Variants in TFEC observed in about 807,000 individuals in gnomAD.
The protein encoded by TFEC is transcription factor EC, also known as class E basic helix-loop-helix protein 34.
Under a neutral mutation model 41.6 loss-of-function variants are expected in TFEC, and 31 were observed. The observed-to-expected ratio is 0.74, with a 90% CI of 0.56 to 1.01. TFEC has a LOEUF of 1.01. Among genes scored for constraint, TFEC ranks in the 50% least tolerant of loss-of-function variants. TFEC has a pLI of 0.00. For missense variants in TFEC, 402 were observed against 404.1 expected (o/e 0.99, Z 0.04); for synonymous variants, 143 against 140.6 (o/e 1.02, Z -0.12).
At chr7:116,002,352 G>T (rs943176534) in intron 1 of TFEC, among the ~76,000 whole-genome samples, 7 of 152,168 alleles carry the variant, frequency 4.6e-5, no homozygotes, top group Non-Finnish European at 7.4e-5. Flanking sequence ...CCATAAAAAT[G>T]AATGACATCC....
intron 1 of TFEC, among the ~76,000 whole-genome samples, chr7:116,113,347 GA>G (rs980309159): frequency 6.6e-6 from 1 of 151,948 alleles, no homozygotes; most frequent in African/African-American, 2.4e-5. Flanking sequence ...CATGGACAGA[GA>G]AAGAAAAGAA....
chr7:116,022,218 G>A (rs1795423406), intron 1 of TFEC, among the ~76,000 whole-genome samples: 1 of 152,176 alleles, frequency 6.6e-6, no homozygotes, highest in Non-Finnish European at 1.5e-5. Flanking sequence ...TGATGACATT[G>A]ATGCCATTGT....
chr7:116,104,747 A>T (rs1020653724), intron 3 of TFEC, among the ~76,000 whole-genome samples: 19 of 151,148 alleles, frequency 1.3e-4, no homozygotes, highest in Non-Finnish European at 1.8e-4. Flanking sequence ...TTAAGCCTGT[A>T]TTTCACAAAA....
intron 3 of TFEC, among the ~76,000 whole-genome samples, chr7:116,065,209 G>A (rs1796666152): frequency 6.6e-6 from 1 of 152,088 alleles, no homozygotes; most frequent in East Asian, 1.9e-4. Context: ...TTACAATGCA[G>A]CTAACAGTCA....
intron 1 of TFEC, among the ~76,000 whole-genome samples, chr7:116,021,084 A>G (rs1795377298): frequency 6.6e-6 from 1 of 152,194 alleles, no homozygotes; most frequent in Non-Finnish European, 1.5e-5. Context: ...CAAACCTGGG[A>G]ACTTATATGA....
chr7:116,120,069 A>C (rs1238639982), intron 1 of TFEC: 2 of 151,822 alleles, frequency 1.3e-5, no homozygotes, highest in Non-Finnish European at 2.9e-5. Context: ...ATTCGGTAAG[A>C]TAAAGAAAAC....
rs145848609 is a variant in TFEC at position 116,133,393 on chromosome 7, T to C, written c.-68-21355A>G. Among the ~76,000 whole-genome samples the C allele has an allele frequency of 4.7e-3, 715 of 152,134 alleles. 4 individuals are homozygous for C. Among genetic ancestry groups the C allele is most frequent in the African/African-American group, 0.016 (674 of 41,520 alleles). On this transcript the variant is annotated intron_variant, in intron 1 of 8. Transcript: ENST00000484212. ...GGTGAAACCCCATCTCTACTAAGAA[T>C]ACAAAAATTAGCCAGACGTGGTGGC... is the stretch of plus-strand genomic sequence containing the variant.
chr7:115,951,053 C>T (rs1177671722), intron 5 of TFEC, 104 bp from the exon 6 acceptor site: 2 of 558,082 alleles, frequency 3.6e-6, no homozygotes, highest in African/African-American at 2.0e-5. Context: ...GGGAAAAAAA[C>T]TTTCCATTTA....
Position 115,935,898 on chromosome 7 carries a change from T to C in TFEC, c.*4653A>G, listed in dbSNP as rs1294627674. On this transcript the variant is annotated 3_prime_UTR_variant, in exon 8 of 8. Coordinates refer to ENST00000265440, the MANE Select transcript of TFEC (RefSeq NM_012252.4). Reference sequence around the variant, plus strand: ...GCAGAAATACACATAAAAATCCCTTTACAAGCAGATAAAAAGTTCCCTTTT... The same window carrying C: ...GCAGAAATACACATAAAAATCCCTTCACAAGCAGATAAAAAGTTCCCTTTT... 4 of 151,526 alleles carry C rather than the reference T, an allele frequency of 2.6e-5. No individual in the cohort carries two copies. The East Asian group carries it at 7.7e-4, about 29-fold the overall frequency. The allele number at this position is 151,526 out of a possible 1,614,324, so 9.4% of individuals were successfully genotyped here.
Position 115,984,477 on chromosome 7 carries a change from G to A in TFEC, c.-36C>T. The A allele has an allele frequency of 6.2e-7, 1 of 1,614,044 alleles. No homozygotes were observed. Among genetic ancestry groups the A allele is most frequent in the South Asian group, 1.1e-5 (1 of 91,082 alleles). ...ACTTTCTGTCTCTGGGCTTTCTGTAGCTGAGGCCTTGCAGAACTTTCCAGG... is the reference window on the plus strand; with the variant it reads ...ACTTTCTGTCTCTGGGCTTTCTGTAACTGAGGCCTTGCAGAACTTTCCAGG... On this transcript the variant is annotated 5_prime_UTR_variant, in exon 2 of 8. Transcript: ENST00000265440.
At chr7:116,007,618 C>G (rs889089752) in intron 1 of TFEC, among the ~76,000 whole-genome samples, 2 of 152,128 alleles carry the variant, frequency 1.3e-5, no homozygotes, top group African/African-American at 4.8e-5. Flanking sequence ...AGTCTTTTGA[C>G]TTAGTTCTTG....
At chr7:116,110,811 T>C in exon 3 of TFEC, 2 of 1,548,556 alleles carry the variant, frequency 1.3e-6, no homozygotes, top group Non-Finnish European at 1.7e-6. Context: ...CTCTGTTCTA[T>C]GGGCACTGAT....
intron 3 of TFEC, among the ~76,000 whole-genome samples, chr7:116,056,968 T>C (rs1303870191): frequency 2.0e-5 from 3 of 152,036 alleles, no homozygotes; most frequent in African/African-American, 7.2e-5. Context: ...ACATACAATA[T>C]ATAAACAAGA....
intron 3 of TFEC, among the ~76,000 whole-genome samples, chr7:116,076,251 A>G (rs1046054335): frequency 1.3e-5 from 2 of 152,152 alleles, no homozygotes; most frequent in African/African-American, 4.8e-5. Flanking sequence ...GGAGCACACC[A>G]TAGGACAAAA....
rs979412641 is a variant in TFEC, at chr7:115,937,767, C to G, written c.*2784G>C. ...GTTATACATGACATTAACCGCACAC[C>G]TAAGAGACCTGATTCAGGAATTTTT... On this transcript the variant is annotated 3_prime_UTR_variant, in exon 8 of 8. Transcript: ENST00000265440. 10 of 151,582 alleles carry G rather than the reference C, an allele frequency of 6.6e-5. No homozygotes were observed. Among genetic ancestry groups the G allele is most frequent in the Non-Finnish European group, 1.3e-4 (9 of 67,714 alleles). 9.4% of individuals were successfully genotyped at this position (151,582 alleles called of 1,614,324 possible).
intron 1 of TFEC, among the ~76,000 whole-genome samples, chr7:116,116,203 A>G (rs1205842205): frequency 6.6e-6 from 1 of 152,016 alleles, no homozygotes; most frequent in African/African-American, 2.4e-5. Context: ...GACCAAAAAA[A>G]TGGAAAAGAA....
At position 116,092,939 on chromosome 7, in the gene TFEC, A is replaced by T. The variant is rs117164104; in HGVS notation, c.198+17769T>A. Among the ~76,000 whole-genome samples, 374 of 152,292 alleles carry T rather than the reference A, an allele frequency of 2.5e-3. 1 individual carries two copies. Among genetic ancestry groups the T allele is most frequent in the Non-Finnish European group, 4.1e-3 (280 of 67,998 alleles). ...AGGCTCTACAACAAAATACAAGTTA[A>T]ATTAACAAAAGGCCCCAATAAGTGC... On this transcript the variant is annotated intron_variant, in intron 3 of 8. Transcript: ENST00000484212.
At chr7:116,023,759 G>A (rs1320379328) in intron 1 of TFEC, among the ~76,000 whole-genome samples, 3 of 152,060 alleles carry the variant, frequency 2.0e-5, no homozygotes, top group Non-Finnish European at 4.4e-5. Flanking sequence ...AAAATCCACA[G>A]CACTCCCAGG....
At chr7:116,047,817 T>C (rs1796206226) in intron 3 of TFEC, among the ~76,000 whole-genome samples, 1 of 152,044 alleles carries the variant, frequency 6.6e-6, no homozygotes, top group Non-Finnish European at 1.5e-5. Flanking sequence ...AGAGGAAGGA[T>C]CAGGCAGCAA....
Sources: allele counts gnomAD v4.1 joint callset (sites outside exome capture counted in the v4.1 genomes callset), GRCh38; gene constraint gnomAD v4.1.1; transcripts MANE v1.5; gene names NCBI Gene and HGNC (gene_info 2026-07-23, HGNC 2026-07-21).